Variants in AGBL1 observed in about 807,000 individuals in gnomAD.
AGBL1 encodes the protein cytosolic carboxypeptidase 4.
In AGBL1, 130 loss-of-function variants were observed where a neutral mutation model predicts 118.9. That is an observed-to-expected ratio of 1.09 (90% confidence interval 0.95 to 1.26). The LOEUF is 1.26. Among genes scored for constraint, AGBL1 ranks in the 50% most tolerant of loss-of-function variants. The pLI is 0.00. For synonymous variants in AGBL1, 555 were observed against 478.9 expected (o/e 1.16, Z -2.08); for missense variants, 1,584 against 1,298.1 (o/e 1.22, Z -3.38).
chr15:86,988,983 T>A (rs900237814), intron 24 of AGBL1, among the ~76,000 whole-genome samples: 2 of 150,830 alleles, frequency 1.3e-5, no homozygotes, highest in African/African-American at 2.4e-5. Flanking sequence ...CATCTCTGAT[T>A]TTTTTCCCCC....
chr15:86,776,919 C>A (rs1259619666), intron 22 of AGBL1, among the ~76,000 whole-genome samples: 3 of 151,496 alleles, frequency 2.0e-5, no homozygotes, highest in African/African-American at 7.3e-5. Flanking sequence ...TGTGATTTTT[C>A]TTCATTACGT....
At chr15:86,114,020 C>T (rs1897601736) in intron 1 of AGBL1, among the ~76,000 whole-genome samples, 1 of 152,196 alleles carries the variant, frequency 6.6e-6, no homozygotes, top group South Asian at 2.1e-4. Flanking sequence ...TCATTAACTA[C>T]ACTTGAAATA....
At chr15:86,718,029 C>T (rs1025657598) in intron 22 of AGBL1, among the ~76,000 whole-genome samples, 2 of 152,100 alleles carry the variant, frequency 1.3e-5, no homozygotes, top group Non-Finnish European at 2.9e-5. Flanking sequence ...AGTAAGCCAA[C>T]ATTGTGCCAC....
intron 22 of AGBL1, among the ~76,000 whole-genome samples, chr15:86,904,546 T>C (rs1243770979): frequency 6.7e-6 from 1 of 148,942 alleles, no homozygotes; most frequent in Admixed American, 6.7e-5. Context: ...TATATGTTTA[T>C]AACATATTAT....
downstream of AGBL1, among the ~76,000 whole-genome samples, chr15:86,920,973 G>A (rs2080476646): frequency 1.3e-5 from 2 of 152,276 alleles, no homozygotes; most frequent in South Asian, 2.1e-4. Flanking sequence ...GGAGAAAGGA[G>A]GGCATTCATT....
intron 22 of AGBL1, among the ~76,000 whole-genome samples, chr15:86,773,145 C>T (rs1424313959): frequency 6.6e-6 from 1 of 152,000 alleles, no homozygotes; most frequent in Non-Finnish European, 1.5e-5. Flanking sequence ...TGAGTATATA[C>T]ATTGTGTTAG....
At chr15:86,192,293 A>G (rs1682516743) in intron 5 of AGBL1, among the ~76,000 whole-genome samples, 1 of 150,054 alleles carries the variant, frequency 6.7e-6, no homozygotes, top group African/African-American at 2.4e-5. Context: ...ATTTTTACAT[A>G]TAATGGAGCA....
intron 22 of AGBL1, among the ~76,000 whole-genome samples, chr15:86,789,296 G>A (rs1309797926): frequency 6.6e-6 from 1 of 152,212 alleles, no homozygotes; most frequent in Non-Finnish European, 1.5e-5. Flanking sequence ...TTTCCCCCAG[G>A]GAAGTAGCAT....
chr15:86,525,137 C>T (rs949827676), intron 19 of AGBL1, among the ~76,000 whole-genome samples: 5 of 149,644 alleles, frequency 3.3e-5, no homozygotes, highest in East Asian at 1.9e-4. Context: ...TCAAGAACTC[C>T]GTTTTATTAA....
chr15:86,726,447 C>A (rs1350378588), intron 22 of AGBL1, among the ~76,000 whole-genome samples: 1 of 152,140 alleles, frequency 6.6e-6, no homozygotes, highest in South Asian at 2.1e-4. Context: ...TCGGTTTCTC[C>A]ATCTATATAA....
chr15:87,003,028 A>G (rs62031585), intron 24 of AGBL1, among the ~76,000 whole-genome samples: 8 of 152,058 alleles, frequency 5.3e-5, no homozygotes, highest in African/African-American at 4.8e-5. Context: ...AATAGGAGTG[A>G]TAAGAGAGGG....
chr15:86,798,887 T>G (rs1567179174), intron 22 of AGBL1, among the ~76,000 whole-genome samples: 1 of 151,934 alleles, frequency 6.6e-6, no homozygotes, highest in Admixed American at 6.6e-5. Context: ...GAAGTGAACC[T>G]CCTGAATGAG....
At chr15:87,027,073 A>G (rs528675239) in intron 24 of AGBL1, among the ~76,000 whole-genome samples, 5 of 152,002 alleles carry the variant, frequency 3.3e-5, no homozygotes, top group Non-Finnish European at 7.4e-5. Context: ...AAATCTCACA[A>G]ATCACCACCA....
chr15:86,696,550 T>G (rs1252053986), intron 22 of AGBL1, among the ~76,000 whole-genome samples: 1 of 151,980 alleles, frequency 6.6e-6, no homozygotes, highest in Non-Finnish European at 1.5e-5. Context: ...ATTCTGCAAT[T>G]CTGTATCTTT....
At chr15:86,987,393 C>A (rs2081296006) in intron 23 of AGBL1, among the ~76,000 whole-genome samples, 1 of 152,040 alleles carries the variant, frequency 6.6e-6, no homozygotes, top group African/African-American at 2.4e-5. Context: ...TTCTAAAAAC[C>A]TTTTAGGTAG....
intron 5 of AGBL1, among the ~76,000 whole-genome samples, chr15:86,212,033 A>G (rs909781575): frequency 3.3e-5 from 5 of 152,202 alleles, no homozygotes; most frequent in African/African-American, 1.2e-4. Context: ...TTCTCTTTAA[A>G]AAAAGGCTTG....
In AGBL1 at chr15:86,246,731, T is replaced by C. The variant is rs182333693; in HGVS notation, c.527-940T>C. On this transcript the variant is annotated intron_variant, in intron 6 of 22. Coordinates refer to ENST00000614907, the MANE Select transcript of AGBL1 (RefSeq NM_001386094.1). Reference sequence around the variant, plus strand: ...AAAATGGATGTGGAGGTTACAACTATATGAAACAAATTTATGAGTCTTGAT... The same window carrying C: ...AAAATGGATGTGGAGGTTACAACTACATGAAACAAATTTATGAGTCTTGAT... Among the ~76,000 whole-genome samples, 32 of 152,366 alleles carry C rather than the reference T, an allele frequency of 2.1e-4. No homozygotes were observed. The South Asian group carries it at 5.8e-3, about 28-fold the overall frequency.
intron 22 of AGBL1, among the ~76,000 whole-genome samples, chr15:86,903,566 A>C: frequency 6.6e-6 from 1 of 152,118 alleles, no homozygotes; most frequent in Non-Finnish European, 1.5e-5. Flanking sequence ...TTTTCTGTTG[A>C]AACTTGGGCA....
intron 18 of AGBL1, among the ~76,000 whole-genome samples, chr15:86,440,689 C>T (rs868521370): frequency 6.6e-6 from 1 of 152,008 alleles, no homozygotes; most frequent in Non-Finnish European, 1.5e-5. Flanking sequence ...GAAGCTTTAA[C>T]CCAAGGTAGA....
Sources: allele counts gnomAD v4.1 joint callset (sites outside exome capture counted in the v4.1 genomes callset), GRCh38; gene constraint gnomAD v4.1.1; transcripts MANE v1.5; gene names NCBI Gene and HGNC (gene_info 2026-07-23, HGNC 2026-07-21).